The following COL21A1 variants were observed in gnomAD, a reference collection of about 807,000 sequenced individuals.
COL21A1 encodes the protein collagen alpha-1(XXI) chain.
COL21A1 carries 149 observed loss-of-function variants against 137.9 expected under a neutral mutation model. The ratio of observed to expected loss-of-function variants is 1.08; its 90% CI spans 0.95 to 1.24. COL21A1 has a LOEUF of 1.24. COL21A1 is among the 50% of genes most tolerant of loss of function. The pLI, the probability that COL21A1 is intolerant of heterozygous loss-of-function variation, is 0.00. For synonymous variants in COL21A1, 456 were observed against 391.5 expected (o/e 1.16, Z -1.95); for missense variants, 1,167 against 1,158.4 (o/e 1.01, Z -0.11).
intron 1 of COL21A1, among the ~76,000 whole-genome samples, chr6:56,371,141 T>G (rs1382174166): frequency 6.6e-6 from 1 of 152,218 alleles, no homozygotes; most frequent in Non-Finnish European, 1.5e-5. Context: ...GTGTGATATA[T>G]TCCAGAGTCT....
intron 1 of COL21A1, among the ~76,000 whole-genome samples, chr6:56,300,130 A>C (rs1291350377): frequency 6.6e-6 from 1 of 152,156 alleles, no homozygotes; most frequent in Non-Finnish European, 1.5e-5. Flanking sequence ...AGTAGCCAAA[A>C]TGTGCCGGAA....
intron 1 of COL21A1, among the ~76,000 whole-genome samples, chr6:56,192,682 A>G (rs1032570833): frequency 6.6e-6 from 1 of 152,194 alleles, no homozygotes; most frequent in African/African-American, 2.4e-5. Context: ...AAAGTCAAGA[A>G]ACAACAGATG....
At chr6:56,324,924 C>G (rs193147094) in intron 1 of COL21A1, among the ~76,000 whole-genome samples, 1 of 151,776 alleles carries the variant, frequency 6.6e-6, no homozygotes, top group Non-Finnish European at 1.5e-5. Flanking sequence ...ATGAAAGATG[C>G]CTTCCTATAT....
intron 1 of COL21A1, among the ~76,000 whole-genome samples, chr6:56,342,716 C>A (rs745951133): frequency 6.6e-6 from 1 of 152,166 alleles, no homozygotes. Flanking sequence ...CTTGTTATCT[C>A]CTTTTAATGG....
At chr6:56,315,118 T>G (rs1168222492) in intron 1 of COL21A1, among the ~76,000 whole-genome samples, 3 of 152,246 alleles carry the variant, frequency 2.0e-5, no homozygotes, top group African/African-American at 7.2e-5. Context: ...CTCAAATAAC[T>G]AATTGACTTT....
chr6:56,301,601 A>G (rs6908492), intron 1 of COL21A1, among the ~76,000 whole-genome samples: 128,359 of 152,180 alleles, frequency 0.84, 56,120 homozygotes, highest in South Asian at 0.97. Context: ...CAGTTTTCTC[A>G]AAGGGAAGAA....
At chr6:56,199,591 T>A (rs549576335) in intron 1 of COL21A1, among the ~76,000 whole-genome samples, 3 of 152,276 alleles carry the variant, frequency 2.0e-5, no homozygotes, top group Non-Finnish European at 4.4e-5. Flanking sequence ...TCATATTATC[T>A]GTCATCAAAG....
At chr6:56,139,485 ACACAC>A (rs1178967051) in intron 12 of COL21A1, among the ~76,000 whole-genome samples, 7 of 124,098 alleles carry the variant, frequency 5.6e-5, no homozygotes, top group African/African-American at 2.2e-4. Flanking sequence ...ACTTGTGCAC[ACACAC>A]TTGTGCACAT....
At chr6:56,198,541 T>A (rs867889607) in intron 1 of COL21A1, among the ~76,000 whole-genome samples, 2 of 152,074 alleles carry the variant, frequency 1.3e-5, no homozygotes, top group South Asian at 4.1e-4. Context: ...AAACCTCACA[T>A]AAATAATGAT....
At chr6:56,245,681 G>C (rs2152327254) in intron 1 of COL21A1, among the ~76,000 whole-genome samples, 1 of 152,294 alleles carries the variant, frequency 6.6e-6, no homozygotes, top group Middle Eastern at 3.4e-3. Flanking sequence ...ATGAGGCTCG[G>C]AGAAGCTATG....
At chr6:56,334,724 CA>C (rs1765300377) in intron 1 of COL21A1, among the ~76,000 whole-genome samples, 1 of 152,094 alleles carries the variant, frequency 6.6e-6, no homozygotes, top group African/African-American at 2.4e-5. Flanking sequence ...GCCAGTATAA[CA>C]CTATTGGAAG....
At chr6:56,327,047 C>T (rs1765111564) in intron 1 of COL21A1, among the ~76,000 whole-genome samples, 1 of 151,990 alleles carries the variant, frequency 6.6e-6, no homozygotes. Context: ...TTATGTAAAC[C>T]AGTATGATCA....
intron 1 of COL21A1, among the ~76,000 whole-genome samples, chr6:56,244,212 T>C (rs1782515100): frequency 6.6e-6 from 1 of 152,182 alleles, no homozygotes; most frequent in African/African-American, 2.4e-5. Flanking sequence ...CTGGACCCTA[T>C]ACCTATGACA....
intron 1 of COL21A1, among the ~76,000 whole-genome samples, chr6:56,337,176 A>G (rs539677534): frequency 1.3e-5 from 2 of 152,228 alleles, no homozygotes; most frequent in East Asian, 3.9e-4. Context: ...AATGTTGGAC[A>G]CCCCTATTTT....
At chr6:56,215,644 C>T (rs1780434483) in intron 1 of COL21A1, among the ~76,000 whole-genome samples, 1 of 152,028 alleles carries the variant, frequency 6.6e-6, no homozygotes, top group South Asian at 2.1e-4. Flanking sequence ...AAATCTACCC[C>T]ATCTACCTTG....
chr6:56,095,765 A>G (rs745993145), intron 17 of COL21A1, among the ~76,000 whole-genome samples: 1 of 152,132 alleles, frequency 6.6e-6, no homozygotes, highest in Non-Finnish European at 1.5e-5. Context: ...TTTGGCCAAG[A>G]GAGTTGTGTT....
rs1305675807 is a variant in COL21A1 at position 56,145,856 on chromosome 6, CA to C, written c.1435-3874del. On this transcript the variant is annotated intron_variant, in intron 10 of 29. Transcript: ENST00000244728. ...ACAGAAAACTTCTTTATAAATGAGTCATTTTTTTTTTTTAGGGAAAAAAATA... is the reference window on the plus strand; with the variant it reads ...ACAGAAAACTTCTTTATAAATGAGTCTTTTTTTTTTTTAGGGAAAAAAATA... Among the ~76,000 whole-genome samples, 9 of 146,586 alleles carry C rather than the reference CA, an allele frequency of 6.1e-5. No homozygotes were observed. The South Asian group carries it at 1.7e-3, about 28-fold the overall frequency.
intron 1 of COL21A1, among the ~76,000 whole-genome samples, chr6:56,246,158 C>T (rs1423618589): frequency 1.3e-5 from 2 of 152,044 alleles, no homozygotes; most frequent in Non-Finnish European, 2.9e-5. Flanking sequence ...CACTGAATTC[C>T]CTTTCACTAA....
At chr6:56,251,897 C>T (rs541269245), upstream of COL21A1, among the ~76,000 whole-genome samples, 13 of 152,296 alleles carry the variant, frequency 8.5e-5, no homozygotes, top group African/African-American at 3.1e-4. Context: ...TGAGAAGTAA[C>T]AGAGGACTCT....
Sources: allele counts gnomAD v4.1 joint callset (sites outside exome capture counted in the v4.1 genomes callset), GRCh38; gene constraint gnomAD v4.1.1; transcripts MANE v1.5; gene names NCBI Gene and HGNC (gene_info 2026-07-23, HGNC 2026-07-21).